Variants in SMARCA4 observed in about 807,000 individuals in gnomAD.
SMARCA4 encodes SWI/SNF-related matrix-associated actin-dependent regulator of chromatin subfamily A member 4.
Under a neutral mutation model 193.9 loss-of-function variants are expected in SMARCA4, and 31 were observed. The observed-to-expected ratio is 0.16, with a 90% CI of 0.12 to 0.22. The LOEUF is 0.22. Among genes scored for constraint, SMARCA4 ranks in the 10% least tolerant of loss-of-function variants. The pLI is 1.00. For missense variants in SMARCA4, 1,148 were observed against 2,296.0 expected, an observed-to-expected ratio of 0.50 and a Z score of 10.22; for synonymous variants, 942 against 933.1, an observed-to-expected ratio of 1.01 and a Z score of -0.17.
chr19:11,025,408 C>A lies in SMARCA4; in HGVS notation c.3082-14C>A, dbSNP rs2146495154. The stretch of plus-strand genomic sequence containing the variant: ...GGCAAGACCCCATTTGGGTCCCTCT[C>A]ATCTGCCTTCCAGGGCAAAGGCGGC... On this transcript the variant is annotated splice_polypyrimidine_tract_variant and intron_variant, in intron 21 of 34. Coordinates refer to ENST00000344626, the MANE Select transcript of SMARCA4 (RefSeq NM_003072.5). The A allele has an allele frequency of 6.2e-7, 1 of 1,606,582 alleles. No individual in the cohort carries two copies. The highest frequency in any genetic ancestry group is 1.1e-5 in the South Asian group (1 of 90,914).
In SMARCA4 at chr19:11,034,411, C is replaced by A. The variant is rs115687427; in HGVS notation, c.3951+211C>A. Among the ~76,000 whole-genome samples, 1 of 152,216 alleles carries A rather than the reference C, an allele frequency of 6.6e-6. No individual in the cohort carries two copies. The highest frequency in any genetic ancestry group is 2.4e-5 in the African/African-American group (1 of 41,458). On this transcript the variant is annotated intron_variant, in intron 28 of 34. Coordinates refer to ENST00000344626, the MANE Select transcript of SMARCA4 (RefSeq NM_003072.5). This position sits in a 1 kb window ranked among gnomAD's most constrained non-coding sequence, Gnocchi z 7.0. ...ATCGGAGGGCGAGATGCACACCCAG[C>A]CTTCTGCATGTGACCCGAGACCTGC...
At position 10,987,862 on chromosome 19, in the gene SMARCA4, C is replaced by G. The variant is rs2145820878; in HGVS notation, c.1056C>G (p.Ile352Met). 1 of 1,612,700 alleles carries G rather than the reference C, an allele frequency of 6.2e-7. No homozygotes were observed. Among genetic ancestry groups the G allele is most frequent in the Non-Finnish European group, 8.5e-7 (1 of 1,179,778 alleles). ...CACTGCACCAGAAGCAGAGCCGCAT[C>G]ACCCCCATCCAGAAGCCGCGGGGCC... ...MVPLHQKQSRITPIQKPRGLD... is the reference protein window; with the variant it reads ...MVPLHQKQSRMTPIQKPRGLD... Residue 352 changes from isoleucine (I) to methionine (M), a missense_variant, in exon 6 of 35, where the codon ATC (isoleucine) becomes ATG (methionine). Around this residue, in one of 17 missense-constraint regions of SMARCA4, gnomAD observed 257 missense variants for 276.5 expected, o/e 0.93. Transcript: ENST00000344626. The surrounding 1 kb of genome is among the most constrained non-coding windows in gnomAD (Gnocchi z 5.3).
intron 29 of SMARCA4, among the ~76,000 whole-genome samples, chr19:11,035,924 T>A (rs1185143048): frequency 6.6e-5 from 10 of 152,234 alleles, no homozygotes; most frequent in Non-Finnish European, 1.5e-4. Context: ...AGTTGTGTCA[T>A]AAAAATGTCC....
At chr19:11,035,727 G>A (rs1265994932) in intron 29 of SMARCA4, among the ~76,000 whole-genome samples, 1 of 152,250 alleles carries the variant, frequency 6.6e-6, no homozygotes, top group African/African-American at 2.4e-5. Context: ...AACAGCAGCT[G>A]CAGATGTCTT....
chr19:11,011,430 G>A (rs1022864349), intron 15 of SMARCA4, among the ~76,000 whole-genome samples: 18 of 152,018 alleles, frequency 1.2e-4, no homozygotes, highest in Admixed American at 8.5e-4. Context: ...TCACCATGTC[G>A]GCCAAGCTGG....
In SMARCA4 at chr19:10,984,820, A is replaced by C. The variant is rs2085873442; in HGVS notation, c.222+447A>C. ...GCCCCTCAGCCACTGTCTTTACCTC[A>C]CCTGCGCTGAGCAGGGCCTTCAGTC... On this transcript the variant is annotated intron_variant, in intron 2 of 34. Coordinates refer to ENST00000344626, the MANE Select transcript of SMARCA4 (RefSeq NM_003072.5). This position sits in a 1 kb window ranked among gnomAD's most constrained non-coding sequence, Gnocchi z 4.3. Among the ~76,000 whole-genome samples the C allele has an allele frequency of 6.6e-6, 1 of 151,878 alleles. No individual in the cohort carries two copies. The highest frequency in any genetic ancestry group is 2.4e-5 in the African/African-American group (1 of 41,324).
At position 11,058,411 on chromosome 19, in the gene SMARCA4, C is replaced by T. The variant is rs2147090904; in HGVS notation, c.4533+48C>T. On this transcript the variant is annotated intron_variant, in intron 31 of 34. Coordinates refer to ENST00000344626, the MANE Select transcript of SMARCA4 (RefSeq NM_003072.5). This position sits in a 1 kb window ranked among gnomAD's most constrained non-coding sequence, Gnocchi z 5.8. ...GCCCCGCATGTGCCCGGAGGGGAGT[C>T]TGACCCAGGGGCACCCCCATCTGAG... 1 of 1,322,932 alleles carries T rather than the reference C, an allele frequency of 7.6e-7. No individual in the cohort carries two copies. 81.9% of individuals were successfully genotyped at this position (1,322,932 alleles called of 1,614,324 possible). A position where few individuals can be genotyped will look rare whatever the true frequency, so the allele number is the denominator to read the frequency against.
At chr19:11,039,693 A>G (rs2075472753) in intron 29 of SMARCA4, 1 of 424,562 alleles carries the variant, frequency 2.4e-6, no homozygotes, top group Admixed American at 4.5e-5. Context: ...ATTTTTTTAA[A>G]TGCCCAGCTA....
At position 10,986,140 on chromosome 19, in the gene SMARCA4, TCA is replaced by T. The variant is rs780104876; in HGVS notation, c.356-46_356-45del. On this transcript the variant is annotated intron_variant, in intron 3 of 34. Coordinates refer to ENST00000344626, the MANE Select transcript of SMARCA4 (RefSeq NM_003072.5). This position sits in a 1 kb window ranked among gnomAD's most constrained non-coding sequence, Gnocchi z 6.7. ...GTGTAGGGGGAAGAGGCTGTAAAAA[TCA>T]CAGACATATGCTGCCGAGTGACCAG... is the stretch of plus-strand genomic sequence containing the variant. 2 of 1,491,456 alleles carry T rather than the reference TCA, an allele frequency of 1.3e-6. No individual in the cohort carries two copies. Among genetic ancestry groups the T allele is most frequent in the South Asian group, 1.1e-5 (1 of 88,588 alleles). 92.4% of individuals were successfully genotyped at this position (1,491,456 alleles called of 1,614,324 possible).
intron 30 of SMARCA4, among the ~76,000 whole-genome samples, chr19:11,050,777 GC>G (rs2076213968): frequency 6.6e-6 from 1 of 152,256 alleles, no homozygotes; most frequent in African/African-American, 2.4e-5. Context: ...ACTCCTTCAA[GC>G]CCCCAGGGCA....
chr19:10,984,032 T>G lies in SMARCA4; in HGVS notation c.-31-89T>G. Reference sequence around the variant, plus strand: ...TACTGGCTTCCTGTGGGATGTAGATTCTGATGTGACCGTATGATTGTCCCT... The same window carrying G: ...TACTGGCTTCCTGTGGGATGTAGATGCTGATGTGACCGTATGATTGTCCCT... On this transcript the variant is annotated intron_variant, in intron 1 of 34. Transcript: ENST00000344626. This position sits in a 1 kb window ranked among gnomAD's most constrained non-coding sequence, Gnocchi z 4.3. 1.0e-6 allele frequency: 1 copy of G among 968,230 alleles called. No homozygotes were observed. The highest frequency in any genetic ancestry group is 1.6e-6 in the Non-Finnish European group (1 of 614,664). The allele number at this position is 968,230 out of a possible 1,614,324, so 60.0% of individuals were successfully genotyped here.
chr19:10,965,981 T>G (rs912619187), intron 1 of SMARCA4, among the ~76,000 whole-genome samples: 10 of 139,642 alleles, frequency 7.2e-5, no homozygotes, highest in African/African-American at 2.1e-4. Context: ...TTTTTTTTTT[T>G]TTTTTTTTTT....
intron 13 of SMARCA4, among the ~76,000 whole-genome samples, chr19:11,003,804 C>G (rs547492490): frequency 2.0e-4 from 31 of 151,740 alleles, no homozygotes; most frequent in Non-Finnish European, 3.7e-4. Flanking sequence ...CTCCACCTCC[C>G]GGGTTCAAGC....
chr19:11,026,495 A>C, intron 23 of SMARCA4, 149 bp downstream of exon 23: 4 of 587,768 alleles, frequency 6.8e-6, no homozygotes, highest in South Asian at 2.1e-5. Context: ...AATAATACAA[A>C]TCTTTTTTTT....
chr19:10,995,750 G>A (rs528383535), intron 9 of SMARCA4, among the ~76,000 whole-genome samples: 1 of 152,156 alleles, frequency 6.6e-6, no homozygotes, highest in Non-Finnish European at 1.5e-5. Flanking sequence ...TGGGAGGTGG[G>A]ACCTTTCAGA....
intron 1 of SMARCA4, among the ~76,000 whole-genome samples, chr19:10,972,863 C>T (rs1421991155): frequency 6.6e-6 from 1 of 152,306 alleles, no homozygotes; most frequent in African/African-American, 2.4e-5. Flanking sequence ...GTAATCCCAG[C>T]ACTTTGGGAG....
intron 34 of SMARCA4, among the ~76,000 whole-genome samples, chr19:11,061,205 ATATATATATATATAT>A (rs1432613295): frequency 1.6e-4 from 6 of 38,508 alleles, no homozygotes; most frequent in South Asian, 8.3e-4. Flanking sequence ...AAAAAAAAAA[ATATATATATATATAT>A]ATATATATAT....
intron 1 of SMARCA4, among the ~76,000 whole-genome samples, chr19:10,974,116 A>C (rs1042503235): frequency 6.6e-6 from 1 of 152,198 alleles, no homozygotes; most frequent in Admixed American, 6.5e-5. Context: ...TTCTCATGCA[A>C]GGTGAAAACA....
intron 14 of SMARCA4, among the ~76,000 whole-genome samples, chr19:11,009,751 C>T (rs1023142467): frequency 6.6e-5 from 10 of 150,892 alleles, no homozygotes; most frequent in African/African-American, 2.2e-4. Context: ...TGCAGTGGCA[C>T]GATCTCGGCT....
Sources: gnomAD v4.1 joint callset for allele counts (sites outside exome capture counted in the v4.1 genomes callset) on GRCh38, gnomAD v4.1.1 for gene constraint, gnomAD v4.1.1 regional missense constraint, Gnocchi (gnomAD v3.1) non-coding constraint, MANE v1.5 for transcripts, NCBI Gene and HGNC (gene_info 2026-07-23, HGNC 2026-07-21) for gene names.